Variants in DNAH6 observed in about 807,000 individuals in gnomAD.
The protein encoded by DNAH6 is dynein axonemal heavy chain 6.
In DNAH6, 340 loss-of-function variants were observed where a neutral mutation model predicts 491.4. That is an observed-to-expected ratio of 0.69 (90% CI 0.63 to 0.76). The LOEUF is 0.76. Ranked by LOEUF, DNAH6 falls within the 30% of genes least tolerant of loss-of-function variation. The pLI is 0.00. For synonymous variants in DNAH6, 1,603 were observed against 1,686.1 expected (o/e 0.95, Z 1.21); for missense variants, 4,443 against 4,972.2 (o/e 0.89, Z 3.20).
At chr2:84,742,280 TTA>T (rs1455264290) in intron 62 of DNAH6, among the ~76,000 whole-genome samples, 1 of 152,330 alleles carries the variant, frequency 6.6e-6, no homozygotes, top group African/African-American at 2.4e-5. Context: ...TGTGTCATCA[TTA>T]TGTTTTTGGT....
chr2:84,815,498 T>C (rs1680404104), intron 75 of DNAH6, among the ~76,000 whole-genome samples: 1 of 152,098 alleles, frequency 6.6e-6, no homozygotes, highest in African/African-American at 2.4e-5. Context: ...GTAAGCATAA[T>C]TTTTAAAAAA....
At chr2:84,752,545 C>T (rs1004311209) in intron 63 of DNAH6, among the ~76,000 whole-genome samples, 1 of 152,108 alleles carries the variant, frequency 6.6e-6, no homozygotes, top group African/African-American at 2.4e-5. Flanking sequence ...CAGAGTTGTG[C>T]AACCATCACA....
At chr2:84,459,620 T>A in the DNAH6 span, 1 of 263,798 alleles carries the variant, frequency 3.8e-6, no homozygotes, top group Non-Finnish European at 7.5e-6. Flanking sequence ...AGAGCGGCAG[T>A]GAGACCGGGG....
chr2:84,485,509 T>C, the DNAH6 span, among the ~76,000 whole-genome samples: 6 of 152,132 alleles, frequency 3.9e-5, no homozygotes, highest in African/African-American at 1.4e-4. Context: ...GATGTTTTCA[T>C]CATCTTCCTG....
chr2:84,697,426 AT>A, intron 46 of DNAH6, 148 bp from the exon 47 acceptor site: 1 of 817,444 alleles, frequency 1.2e-6, no homozygotes. Context: ...TGTACTTGCT[AT>A]GTTAGAACTT....
intron 11 of DNAH6, among the ~76,000 whole-genome samples, chr2:84,561,796 G>C (rs932366149): frequency 5.9e-5 from 9 of 152,106 alleles, no homozygotes; most frequent in African/African-American, 1.9e-4. Context: ...AAAAAATGCT[G>C]ATCATCACTG....
the DNAH6 span, among the ~76,000 whole-genome samples, chr2:84,493,300 A>G: frequency 6.6e-4 from 101 of 152,310 alleles, 1 homozygote; most frequent in African/African-American, 2.3e-3. Context: ...GAAATAATGT[A>G]TAATATTCTG....
intron 10 of DNAH6, among the ~76,000 whole-genome samples, chr2:84,555,209 T>C (rs7570770): frequency 0.96 from 146,898 of 152,310 alleles, 70,887 homozygotes; most frequent in East Asian, 1. Context: ...AAGTCATGAT[T>C]TCTTACTTTG....
chr2:84,466,510 CA>C, the DNAH6 span, among the ~76,000 whole-genome samples: 77 of 151,780 alleles, frequency 5.1e-4, no homozygotes, highest in African/African-American at 1.7e-3. Flanking sequence ...GTAAATAGCT[CA>C]AAAAAAAGTT....
chr2:84,561,200 A>G (rs923987737), intron 11 of DNAH6, among the ~76,000 whole-genome samples: 1 of 152,218 alleles, frequency 6.6e-6, no homozygotes, highest in African/African-American at 2.4e-5. Flanking sequence ...ATATAGATCA[A>G]TGGAACAGAA....
At chr2:84,666,590 A>G (rs917298974) in intron 37 of DNAH6, among the ~76,000 whole-genome samples, 8 of 152,196 alleles carry the variant, frequency 5.3e-5, no homozygotes, top group Non-Finnish European at 1.0e-4. Context: ...TCACTGCTCA[A>G]CAAAATAAAA....
chr2:84,742,993 G>A (rs1389875373), intron 62 of DNAH6, among the ~76,000 whole-genome samples: 1 of 152,148 alleles, frequency 6.6e-6, no homozygotes, highest in East Asian at 1.9e-4. Flanking sequence ...TTCCCCCCTA[G>A]TCTTTTGTCC....
chr2:84,553,403 TTC>T (rs1457389401), intron 10 of DNAH6, among the ~76,000 whole-genome samples: 4 of 147,552 alleles, frequency 2.7e-5, no homozygotes, highest in African/African-American at 5.0e-5. Context: ...CTTTCTTTCT[TTC>T]TTTCTTTCTT....
At chr2:84,550,160 A>G in intron 9 of DNAH6, 103 bp downstream of exon 9, 2 of 958,232 alleles carry the variant, frequency 2.1e-6, no homozygotes, top group South Asian at 3.9e-5. Flanking sequence ...TAAAAAAAAA[A>G]GAGAAATGCA....
chr2:84,586,679 G>T (rs532280523), intron 15 of DNAH6, among the ~76,000 whole-genome samples: 1 of 152,030 alleles, frequency 6.6e-6, no homozygotes, highest in African/African-American at 2.4e-5. Context: ...AACACTTTAG[G>T]GTTTTATTAT....
At chr2:84,803,263 G>A (rs1439954781) in intron 70 of DNAH6, among the ~76,000 whole-genome samples, 4 of 152,096 alleles carry the variant, frequency 2.6e-5, no homozygotes, top group Non-Finnish European at 2.9e-5. Context: ...ACACATGGAC[G>A]TAAAGATGGG....
At chr2:84,498,546 G>A in the DNAH6 span, among the ~76,000 whole-genome samples, 1 of 151,944 alleles carries the variant, frequency 6.6e-6, no homozygotes. Context: ...TTAAAACTGA[G>A]TAATTTAGTG....
At chr2:84,472,436 C>G in the DNAH6 span, among the ~76,000 whole-genome samples, 1 of 151,884 alleles carries the variant, frequency 6.6e-6, no homozygotes, top group Non-Finnish European at 1.5e-5. Flanking sequence ...TGTAAGCCTC[C>G]CCTGTTTGAC....
At chr2:84,463,970 C>T in the DNAH6 span, among the ~76,000 whole-genome samples, 1 of 152,114 alleles carries the variant, frequency 6.6e-6, no homozygotes, top group Non-Finnish European at 1.5e-5. Flanking sequence ...CTATATCTTA[C>T]CTTGATTTTT....
Sources: gnomAD v4.1 joint callset for allele counts (sites outside exome capture counted in the v4.1 genomes callset) on GRCh38, gnomAD v4.1.1 for gene constraint, MANE v1.5 for transcripts, NCBI Gene and HGNC (gene_info 2026-07-23, HGNC 2026-07-21) for gene names.